The following CADPS2 variants were observed in gnomAD, a reference collection of about 807,000 sequenced individuals.
CADPS2 encodes calcium-dependent secretion activator 2.
In CADPS2, 93 loss-of-function variants were observed where a neutral mutation model predicts 172.5. That is an observed-to-expected ratio of 0.54 (90% confidence interval 0.46 to 0.64). CADPS2 has a LOEUF of 0.64. Among genes scored for constraint, CADPS2 ranks in the 30% least tolerant of loss-of-function variants. The pLI is 0.00. For synonymous variants in CADPS2, 546 were observed against 555.2 expected, an observed-to-expected ratio of 0.98 and a Z score of 0.23; for missense variants, 1,420 against 1,565.9, an observed-to-expected ratio of 0.91 and a Z score of 1.57.
At chr7:122,548,409 C>T (rs1294178275) in intron 8 of CADPS2, among the ~76,000 whole-genome samples, 2 of 151,896 alleles carry the variant, frequency 1.3e-5, no homozygotes, top group Non-Finnish European at 2.9e-5. Context: ...ATGAATCACA[C>T]ATAAAACTAT....
intron 2 of CADPS2, among the ~76,000 whole-genome samples, chr7:122,682,762 A>C (rs1340860128): frequency 6.6e-6 from 1 of 152,198 alleles, no homozygotes; most frequent in African/African-American, 2.4e-5. Context: ...AAGGTGTGAC[A>C]CAAGCTAAGA....
At position 122,345,559 on chromosome 7, in the gene CADPS2, AG is replaced by A. The variant is rs1179057894; in HGVS notation, c.3612+14del. On this transcript the variant is annotated intron_variant, in intron 28 of 29. Transcript: ENST00000449022. ...ATCTATGGTGTCAGCATACCTTGCA[AG>A]GGAAGCTACTTACATCAAATAACTT... 6.8e-7 allele frequency: 1 copy of A among 1,465,982 alleles called. No homozygotes were observed. The highest frequency in any genetic ancestry group is 9.5e-7 in the Non-Finnish European group (1 of 1,048,910). 90.8% of individuals were successfully genotyped at this position (1,465,982 alleles called of 1,614,324 possible). A position where few individuals can be genotyped will look rare whatever the true frequency, so the allele number is the denominator to read the frequency against.
At chr7:122,483,907 G>A (rs1030689198) in intron 11 of CADPS2, among the ~76,000 whole-genome samples, 1 of 152,082 alleles carries the variant, frequency 6.6e-6, no homozygotes, top group African/African-American at 2.4e-5. Context: ...CAAAAGATGT[G>A]CTAGATCTGT....
chr7:122,590,451 A>G (rs1464545998), intron 6 of CADPS2, among the ~76,000 whole-genome samples: 1 of 151,926 alleles, frequency 6.6e-6, no homozygotes, highest in African/African-American at 2.4e-5. Context: ...ACATGGATTT[A>G]TGTAATTCTT....
chr7:122,592,291 C>T (rs1332847339), intron 6 of CADPS2, among the ~76,000 whole-genome samples: 2 of 152,058 alleles, frequency 1.3e-5, no homozygotes, highest in Non-Finnish European at 2.9e-5. Flanking sequence ...CAATGAGATA[C>T]CATCTCACAC....
chr7:122,721,892 C>T lies in CADPS2; in HGVS notation c.453+15063G>A, dbSNP rs145439395. 7.0e-4 allele frequency among the ~76,000 whole-genome samples: 107 copies of T among 152,124 alleles called. 2 individuals carry two copies. The East Asian group carries it at 0.012, about 17-fold the overall frequency. On this transcript the variant is annotated intron_variant, in intron 2 of 29. Transcript: ENST00000449022. ...GGATACAAGGCTGGTTCAATATACG[C>T]GAATCAATAAATGTAATCCAGCATA...
At chr7:122,486,584 G>T (rs1284434341) in intron 11 of CADPS2, among the ~76,000 whole-genome samples, 4 of 152,172 alleles carry the variant, frequency 2.6e-5, no homozygotes, top group Non-Finnish European at 4.4e-5. Context: ...ATCTACTTCT[G>T]GTGAAGATGC....
At chr7:122,510,461 C>T (rs1457610821) in intron 9 of CADPS2, among the ~76,000 whole-genome samples, 1 of 152,154 alleles carries the variant, frequency 6.6e-6, no homozygotes, top group Non-Finnish European at 1.5e-5. Flanking sequence ...CGTCTTTTCA[C>T]CTCAGTGGCT....
At chr7:122,533,921 T>C (rs1263499088) in intron 8 of CADPS2, among the ~76,000 whole-genome samples, 2 of 152,158 alleles carry the variant, frequency 1.3e-5, no homozygotes, top group African/African-American at 4.8e-5. Context: ...TTACAAATAA[T>C]GGGGTGTATG....
At chr7:122,438,123 C>T (rs978826021) in intron 17 of CADPS2, among the ~76,000 whole-genome samples, 3 of 152,078 alleles carry the variant, frequency 2.0e-5, no homozygotes, top group Non-Finnish European at 2.9e-5. Flanking sequence ...AACTTAAGCA[C>T]GAATCCTGGG....
At chr7:122,360,097 T>C (rs2039934870) in intron 27 of CADPS2, among the ~76,000 whole-genome samples, 3 of 152,198 alleles carry the variant, frequency 2.0e-5, no homozygotes, top group African/African-American at 7.2e-5. Context: ...AATTGACATA[T>C]ATGCCAAAAT....
intron 1 of CADPS2, among the ~76,000 whole-genome samples, chr7:122,854,054 G>T (rs944337146): frequency 1.3e-5 from 2 of 152,108 alleles, no homozygotes; most frequent in Non-Finnish European, 2.9e-5. Flanking sequence ...CGATGTCCTC[G>T]GAGCTGCCAG....
At chr7:122,704,289 C>T (rs1217807768) in intron 2 of CADPS2, among the ~76,000 whole-genome samples, 2 of 151,562 alleles carry the variant, frequency 1.3e-5, no homozygotes, top group East Asian at 3.9e-4. Flanking sequence ...GTCTACTTGT[C>T]CCATTCATGC....
chr7:122,801,028 T>C (rs1797536145), intron 1 of CADPS2, among the ~76,000 whole-genome samples: 2 of 150,510 alleles, frequency 1.3e-5, no homozygotes, highest in South Asian at 2.1e-4. Context: ...AGTGAACTTC[T>C]TACCTTGGGG....
At chr7:122,646,428 T>TC (rs1183050148) in intron 3 of CADPS2, among the ~76,000 whole-genome samples, 3 of 151,898 alleles carry the variant, frequency 2.0e-5, no homozygotes, top group Non-Finnish European at 4.4e-5. Context: ...ATTTTTTCTC[T>TC]CCCCCAGTAT....
rs78417792 is a variant in CADPS2 at position 122,740,791 on chromosome 7, T to C, written c.340-3723A>G. Among the ~76,000 whole-genome samples, 342 of 152,138 alleles carry C rather than the reference T, an allele frequency of 2.2e-3. 2 individuals are homozygous for C. The highest frequency in any genetic ancestry group is 4.0e-3 in the Admixed American group (61 of 15,260). On this transcript the variant is annotated intron_variant, in intron 1 of 29. Transcript: ENST00000449022. ...TACCCAAAGAGTTCATTTCTAACCA[T>C]ATAGAGAGTTCCTAGAAATTGATAA... is the stretch of plus-strand genomic sequence containing the variant.
At chr7:122,468,420 C>T (rs1462865519) in intron 14 of CADPS2, among the ~76,000 whole-genome samples, 1 of 152,112 alleles carries the variant, frequency 6.6e-6, no homozygotes, top group African/African-American at 2.4e-5. Flanking sequence ...CTGAATATTC[C>T]ATTAACAAAG....
rs75491071 is a variant in CADPS2, at chr7:122,533,089, C to A, written c.1476-19774G>T. Among the ~76,000 whole-genome samples the A allele has an allele frequency of 1.0e-3, 155 of 152,120 alleles. 3 individuals are homozygous for A. In the East Asian group the frequency reaches 0.027, roughly 27 times the overall value. On this transcript the variant is annotated intron_variant, in intron 8 of 29. Coordinates refer to ENST00000449022, the MANE Select transcript of CADPS2 (RefSeq NM_017954.11). ...CTCTAGAGATGTGGGGCTAAGTAAC[C>A]CTCAAATCTCTTTTAGCTCTTAAAT...
At chr7:122,597,690 A>T (rs2072060143) in intron 6 of CADPS2, among the ~76,000 whole-genome samples, 1 of 152,126 alleles carries the variant, frequency 6.6e-6, no homozygotes, top group Non-Finnish European at 1.5e-5. Flanking sequence ...TTAAAATCAA[A>T]TGCTGCTTAG....
Sources: gnomAD v4.1 joint callset for allele counts (sites outside exome capture counted in the v4.1 genomes callset) on GRCh38, gnomAD v4.1.1 for gene constraint, MANE v1.5 for transcripts, NCBI Gene and HGNC (gene_info 2026-07-23, HGNC 2026-07-21) for gene names.